Variants in KLF10 observed in about 807,000 individuals in gnomAD.
The protein encoded by KLF10 is Krueppel-like factor 10.
A neutral mutation model predicts 31.6 loss-of-function variants in KLF10; 17 were observed. That is an observed-to-expected ratio of 0.54 (90% CI 0.37 to 0.81). The LOEUF (loss-of-function observed/expected upper bound fraction) is 0.81, where lower values mean the gene tolerates loss of function less well. Ranked by LOEUF, KLF10 falls within the 30% of genes least tolerant of loss-of-function variation. The pLI, the probability that KLF10 is intolerant of heterozygous loss-of-function variation, is 0.00. For synonymous variants in KLF10, 239 were observed against 215.1 expected (o/e 1.11, Z -0.97); for missense variants, 525 against 598.1 (o/e 0.88, Z 1.27).
In KLF10 at chr8:102,655,559, G is replaced by T. The variant is rs746393925; in HGVS notation, c.36+7C>A. Reference sequence around the variant, plus strand: ...AGGAAGCACAGGGGCATCCCCAAATGACTTACCGCAGTCTGCTGGAGAGAG... The same window carrying T: ...AGGAAGCACAGGGGCATCCCCAAATTACTTACCGCAGTCTGCTGGAGAGAG... On this transcript the variant is annotated splice_region_variant and intron_variant, in intron 1 of 3. Coordinates refer to ENST00000285407, the MANE Select transcript of KLF10 (RefSeq NM_005655.4). 2 of 1,614,140 alleles carry T rather than the reference G, an allele frequency of 1.2e-6. No homozygotes were observed. Among genetic ancestry groups the T allele is most frequent in the Admixed American group, 3.3e-5 (2 of 60,026 alleles).
chr8:102,653,759 A>G, intron 1 of KLF10: 1 of 1,118,934 alleles, frequency 8.9e-7, no homozygotes, highest in South Asian at 3.8e-5. Flanking sequence ...AAAGGAAAAA[A>G]GAAAGGCAGG....
At chr8:102,650,463 A>G in intron 3 of KLF10, 72 bp from the exon 4 acceptor site, 1 of 1,411,300 alleles carries the variant, frequency 7.1e-7, no homozygotes, top group South Asian at 1.3e-5. Context: ...TCTGTCTAAA[A>G]GTATATGAGA....
chr8:102,653,370 G>T, intron 1 of KLF10: 1 of 1,036,814 alleles, frequency 9.6e-7, no homozygotes, highest in Non-Finnish European at 1.3e-6. Context: ...ACTGCTTGAT[G>T]ACAAAATAAC....
chr8:102,652,090 G>T (rs911354655), intron 2 of KLF10, 29 bp from the exon 3 acceptor site: 22 of 1,526,924 alleles, frequency 1.4e-5, no homozygotes, highest in Non-Finnish European at 1.9e-5. Flanking sequence ...CATAGCATGA[G>T]AAATCTACAG....
At chr8:102,650,443 T>C (rs1265748678) in intron 3 of KLF10, 52 bp from the exon 4 acceptor site, 4 of 1,549,150 alleles carry the variant, frequency 2.6e-6, no homozygotes, top group Non-Finnish European at 3.5e-6. Flanking sequence ...CCGTAAATTA[T>C]ATGTTCAATT....
At chr8:102,655,431 C>T (rs1203931362) in intron 1 of KLF10, 135 bp downstream of exon 1, 1 of 1,157,998 alleles carries the variant, frequency 8.6e-7, no homozygotes, top group African/African-American at 1.5e-5. Context: ...GCAGGAAGCC[C>T]TTTCCTTCCC....
chr8:102,655,409 C>T (rs1233445137), intron 1 of KLF10, among the ~76,000 whole-genome samples, 157 bp downstream of exon 1: 1 of 152,224 alleles, frequency 6.6e-6, no homozygotes, highest in Non-Finnish European at 1.5e-5. Context: ...CACTAATGCC[C>T]ATAGTCTGCA....
intron 1 of KLF10, chr8:102,653,715 G>A: frequency 1.7e-6 from 2 of 1,211,786 alleles, no homozygotes; most frequent in Non-Finnish European, 2.1e-6. Context: ...GACAGCGCGC[G>A]TGTGTGTAAC....
At chr8:102,651,102 C>T in intron 3 of KLF10, 47 bp downstream of exon 3, 1 of 1,465,990 alleles carries the variant, frequency 6.8e-7, no homozygotes, top group Admixed American at 2.5e-5. Flanking sequence ...TGATCACAGC[C>T]AAAATCTCTT....
In KLF10 at chr8:102,651,157, G is replaced by A. The variant is rs760068758; in HGVS notation, c.1175C>T (p.Thr392Met). Reference sequence around the variant, plus strand: ...TAAGAAGTGGCTGGTACCTGTGTGCGTCCTCGTGTGGGCCTTCAGATGGGA... The same window carrying A: ...TAAGAAGTGGCTGGTACCTGTGTGCATCCTCGTGTGGGCCTTCAGATGGGA... ...KSSHLKAHTR[T>M]HTGEKPFSCS... The change falls in exon 3 of 4, where the codon ACG becomes ATG. Residue 392 changes from threonine to methionine, a missense_variant. Physicochemically the swap from Thr to Met is moderately conservative, Grantham distance 81. Coordinates refer to ENST00000285407, the MANE Select transcript of KLF10 (RefSeq NM_005655.4). The A allele has an allele frequency of 1.0e-5, 15 of 1,505,488 alleles. No homozygotes were observed. Among genetic ancestry groups the A allele is most frequent in the African/African-American group, 4.2e-5 (3 of 71,488 alleles). The allele number at this position is 1,505,488 out of a possible 1,614,324, so 93.3% of individuals were successfully genotyped here. A position where few individuals can be genotyped will look rare whatever the true frequency, so the allele number is the denominator to read the frequency against.
In KLF10 at chr8:102,655,721, TCTG is replaced by T; in HGVS notation, c.-123_-121del. The T allele has an allele frequency of 8.6e-7, 1 of 1,169,406 alleles. No homozygotes were observed. The highest frequency in any genetic ancestry group is 2.6e-5 in the East Asian group (1 of 38,862). The allele number at this position is 1,169,406 out of a possible 1,614,324, so 72.4% of individuals were successfully genotyped here. ...CCCGCCGCCGCCGCGCTCAGCGCCG[TCTG>T]CCCCCTCCCCATTCAGGTAGCCGCT... On this transcript the variant is annotated 5_prime_UTR_variant, in exon 1 of 4. Coordinates refer to ENST00000285407, the MANE Select transcript of KLF10 (RefSeq NM_005655.4).
In KLF10 at chr8:102,655,610, G is replaced by T. The variant is rs1291836451; in HGVS notation, c.-9C>A. ...GCACCGAAGTTGAGCATGGTTGGCTGCTTGGCCGCCGGCGGCAAGCTGACT... is the reference window on the plus strand; with the variant it reads ...GCACCGAAGTTGAGCATGGTTGGCTTCTTGGCCGCCGGCGGCAAGCTGACT... On this transcript the variant is annotated 5_prime_UTR_variant, in exon 1 of 4. Coordinates refer to ENST00000285407, the MANE Select transcript of KLF10 (RefSeq NM_005655.4). 21 of 1,613,806 alleles carry T rather than the reference G, an allele frequency of 1.3e-5. No homozygotes were observed. The highest frequency in any genetic ancestry group is 1.8e-5 in the Non-Finnish European group (21 of 1,179,928).
Position 102,652,011 on chromosome 8 carries a change from T to G in KLF10, c.321A>C (p.Ser107=). The change falls in exon 3 of 4, where the codon TCA becomes TCC. Residue 107 remains serine (S), a synonymous_variant. Transcript: ENST00000285407. ...SPSDFEPSQV[S]NLMAPAPSTV... is the part of the protein sequence containing the mutation. ...TAGATGGCGCTGGTGCCATCAGATT[T>G]GACACTTGAGAGGGTTCAAAGTCAG... 1 of 1,613,604 alleles carries G rather than the reference T, an allele frequency of 6.2e-7. No individual in the cohort carries two copies. Among genetic ancestry groups the G allele is most frequent in the Non-Finnish European group, 8.5e-7 (1 of 1,179,870 alleles).
rs1349452126 is a variant in KLF10 at position 102,650,151 on chromosome 8, G to A, written c.1424C>T (p.Thr475Ile). Residue 475 changes from threonine to isoleucine, a missense_variant, in exon 4 of 4, where the codon ACC becomes ATC. Transcript: ENST00000285407. ...GGTCTGTCACTGTGTGGGAGCAGGGGTTGGAGGTAGAGCAATGTCATTTAG... is the reference window on the plus strand; with the variant it reads ...GGTCTGTCACTGTGTGGGAGCAGGGATTGGAGGTAGAGCAATGTCATTTAG... ...SKLNDIALPP[T>I]PAPTQ is the part of the protein sequence containing the mutation. 78 of 1,614,110 alleles carry A rather than the reference G, an allele frequency of 4.8e-5. No homozygotes were observed. The highest frequency in any genetic ancestry group is 6.6e-5 in the Non-Finnish European group (78 of 1,180,040).
At chr8:102,655,428 G>A (rs1237130427) in intron 1 of KLF10, 138 bp downstream of exon 1, 2 of 1,085,802 alleles carry the variant, frequency 1.8e-6, no homozygotes. Context: ...CAGGCAGGAA[G>A]CCCTTTCCTT....
Position 102,651,478 on chromosome 8 carries a change from A to C in KLF10, c.854T>G (p.Val285Gly), listed in dbSNP as rs1486852119. The change falls in exon 3 of 4, where the codon GTT (valine) becomes GGT (glycine). Residue 285 changes from valine to glycine, a missense_variant. By Grantham distance (109) the Val-to-Gly change is moderately radical. Around this residue, in one of 3 missense-constraint regions of KLF10, gnomAD observed 434 missense variants for 450.7 expected, o/e 0.96. Coordinates refer to ENST00000285407, the MANE Select transcript of KLF10 (RefSeq NM_005655.4). ...QMVPLPANNP[V>G]VTTVVPSTPP... Reference sequence around the variant, plus strand: ...AGTGCTGGGAACGACTGTTGTCACAACAGGGTTGTTGGCAGGAAGGGGAAC... The same window carrying C: ...AGTGCTGGGAACGACTGTTGTCACACCAGGGTTGTTGGCAGGAAGGGGAAC... 2 of 1,614,002 alleles carry C rather than the reference A, an allele frequency of 1.2e-6. No homozygotes were observed. The highest frequency in any genetic ancestry group is 3.3e-5 in the Admixed American group (2 of 60,012).
At chr8:102,653,941 G>A (rs1190132046) in intron 1 of KLF10, 5 of 987,746 alleles carry the variant, frequency 5.1e-6, no homozygotes, top group Admixed American at 6.2e-5. Context: ...GGAGACCGAC[G>A]GATGGGGCCG....
chr8:102,652,550 G>C (rs1827242976), intron 1 of KLF10, among the ~76,000 whole-genome samples, 153 bp from the exon 2 acceptor site: 1 of 145,240 alleles, frequency 6.9e-6, no homozygotes. Flanking sequence ...CACTTACTAT[G>C]ATACTAAGGA....
chr8:102,655,449 C>T, intron 1 of KLF10, 117 bp downstream of exon 1: 1 of 1,337,208 alleles, frequency 7.5e-7, no homozygotes, highest in Admixed American at 1.7e-5. Context: ...CCCCACGACT[C>T]CGCTGCAGCC....
Sources: gnomAD v4.1 joint callset for allele counts (sites outside exome capture counted in the v4.1 genomes callset) on GRCh38, gnomAD v4.1.1 for gene constraint, gnomAD v4.1.1 regional missense constraint, MANE v1.5 for transcripts, NCBI Gene and HGNC (gene_info 2026-07-23, HGNC 2026-07-21) for gene names.